Variants in POLGARF observed in about 807,000 individuals in gnomAD.
POLGARF encodes the protein POLG alternative reading frame.
At chr15:89,333,094 ACC>A in the POLGARF span, 2 of 1,511,754 alleles carry the variant, frequency 1.3e-6, no homozygotes, top group African/African-American at 2.8e-5. Flanking sequence ...GCCCCTACTT[ACC>A]AGGCCGAGGG....
the POLGARF span, chr15:89,332,290 G>A: frequency 6.6e-6 from 1 of 152,192 alleles, no homozygotes; most frequent in African/African-American, 2.4e-5. Context: ...TTACAAAGAT[G>A]TAGCTTCCAA....
the POLGARF span, among the ~76,000 whole-genome samples, chr15:89,331,315 AT>A: frequency 9.9e-5 from 15 of 151,446 alleles, no homozygotes; most frequent in Middle Eastern, 3.4e-3. Flanking sequence ...CCACATTTTA[AT>A]TCAGCATGTC....
At chr15:89,333,472 G>T in the POLGARF span, 1 of 1,612,084 alleles carries the variant, frequency 6.2e-7, no homozygotes, top group African/African-American at 1.3e-5. Context: ...GCCTCGCCAG[G>T]CATCTCCCCT....
At chr15:89,333,095 C>T in the POLGARF span, 1 of 1,512,130 alleles carries the variant, frequency 6.6e-7, no homozygotes, top group Non-Finnish European at 8.8e-7. Context: ...CCCCTACTTA[C>T]CAGGCCGAGG....
chr15:89,331,839 C>A, the POLGARF span, among the ~76,000 whole-genome samples: 2 of 149,744 alleles, frequency 1.3e-5, no homozygotes, highest in African/African-American at 4.9e-5. Flanking sequence ...TTAACAGTGA[C>A]TTCTGCCATC....
the POLGARF span, chr15:89,333,057 C>A: frequency 6.7e-7 from 1 of 1,503,216 alleles, no homozygotes; most frequent in Non-Finnish European, 8.9e-7. Context: ...AAGCTGGGCC[C>A]CCATGCCTGC....
At chr15:89,333,599 C>G in the POLGARF span, 26 of 1,343,820 alleles carry the variant, frequency 1.9e-5, no homozygotes, top group Non-Finnish European at 2.4e-5. Flanking sequence ...GCTGCTGTTG[C>G]TGCTGCTGCT....
the POLGARF span, chr15:89,333,403 C>T: frequency 8.7e-6 from 14 of 1,600,940 alleles, no homozygotes; most frequent in African/African-American, 1.1e-4. Flanking sequence ...GGCAAGGGCA[C>T]GGCTGGCTGC....
the POLGARF span, among the ~76,000 whole-genome samples, chr15:89,331,508 A>G: frequency 6.6e-6 from 1 of 152,248 alleles, no homozygotes; most frequent in Non-Finnish European, 1.5e-5. Flanking sequence ...ATTTAAGATG[A>G]GTAGGGATCC....
chr15:89,333,780 G>T, the POLGARF span: 1 of 1,534,858 alleles, frequency 6.5e-7, no homozygotes, highest in Non-Finnish European at 8.7e-7. Flanking sequence ...CCCCACGCTG[G>T]GAGTCAGAAC....
At chr15:89,331,934 G>C in the POLGARF span, among the ~76,000 whole-genome samples, 1 of 152,210 alleles carries the variant, frequency 6.6e-6, no homozygotes, top group African/African-American at 2.4e-5. Flanking sequence ...GGAGGGAAAG[G>C]AGAGGTAAAA....
chr15:89,330,539 A>T, the POLGARF span, among the ~76,000 whole-genome samples: 1 of 152,220 alleles, frequency 6.6e-6, no homozygotes, highest in Admixed American at 6.5e-5. Flanking sequence ...ACCTACGTGC[A>T]GGTATTCTAT....
chr15:89,330,722 T>C, the POLGARF span, among the ~76,000 whole-genome samples: 9 of 146,236 alleles, frequency 6.2e-5, no homozygotes, highest in African/African-American at 2.1e-4. Flanking sequence ...GGAGATTTAA[T>C]TGAATTGGCA....
the POLGARF span, chr15:89,333,336 C>A: frequency 4.5e-6 from 7 of 1,561,910 alleles, 1 homozygote; most frequent in South Asian, 8.1e-5. Context: ...GGCCAGGAGG[C>A]GGAAGTGCTG....
chr15:89,333,577 G>A, the POLGARF span: 2 of 1,609,966 alleles, frequency 1.2e-6, no homozygotes, highest in Non-Finnish European at 1.7e-6. Context: ...GATAGCACTT[G>A]CGGCTGCTGA....
the POLGARF span, chr15:89,333,656 G>A: frequency 6.4e-7 from 1 of 1,569,598 alleles, no homozygotes; most frequent in Non-Finnish European, 8.6e-7. Flanking sequence ...CGCTGGGGTC[G>A]GACGCGGGGA....
the POLGARF span, among the ~76,000 whole-genome samples, chr15:89,331,871 G>A: frequency 1.0e-4 from 15 of 148,254 alleles, no homozygotes; most frequent in African/African-American, 3.2e-4. Flanking sequence ...GCAATGCCCC[G>A]AGTACCACTG....
At chr15:89,333,784 T>C in the POLGARF span, 2 of 1,534,480 alleles carry the variant, frequency 1.3e-6, no homozygotes, top group South Asian at 2.4e-5. Flanking sequence ...ACGCTGGGAG[T>C]CAGAACACCT....
chr15:89,333,669 G>C, the POLGARF span: 7 of 1,559,570 alleles, frequency 4.5e-6, no homozygotes, highest in East Asian at 9.5e-5. Flanking sequence ...CGCGGGGACG[G>C]AGCTGGAGAC....
Sources: gnomAD v4.1 joint callset for allele counts (sites outside exome capture counted in the v4.1 genomes callset) on GRCh38, gnomAD v4.1.1 for gene constraint, MANE v1.5 for transcripts, NCBI Gene and HGNC (gene_info 2026-07-23, HGNC 2026-07-21) for gene names.